SNX7: variants seen among roughly 807,000 people sequenced by gnomAD.
The protein encoded by SNX7 is sorting nexin 7, also known as sorting nexin-7.
In SNX7, 35 loss-of-function variants were observed where a neutral mutation model predicts 48.4. That is an observed-to-expected ratio of 0.72 (90% confidence interval 0.55 to 0.96). The LOEUF (loss-of-function observed/expected upper bound fraction) is 0.96, where lower values mean the gene tolerates loss of function less well. Among genes scored for constraint, SNX7 ranks in the 40% least tolerant of loss-of-function variants. The pLI is 0.00. For missense variants in SNX7, 553 were observed against 548.9 expected (o/e 1.01, Z -0.07); for synonymous variants, 190 against 190.2 (o/e 1.00, Z 0.01).
At chr1:98,679,045 G>A (rs1411457490) in intron 1 of SNX7, among the ~76,000 whole-genome samples, 1 of 152,102 alleles carries the variant, frequency 6.6e-6, no homozygotes, top group Non-Finnish European at 1.5e-5. Flanking sequence ...CACTATTAAT[G>A]TGTTTTCACA....
chr1:98,757,438 G>A (rs1654906926), intron 8 of SNX7, among the ~76,000 whole-genome samples: 1 of 151,708 alleles, frequency 6.6e-6, no homozygotes, highest in South Asian at 2.1e-4. Context: ...TTTCCTCCTT[G>A]CTCACATTTC....
intron 7 of SNX7, among the ~76,000 whole-genome samples, chr1:98,737,769 A>G (rs1653866369): frequency 6.6e-6 from 1 of 152,086 alleles, no homozygotes; most frequent in South Asian, 2.1e-4. Flanking sequence ...CAGAGTATGG[A>G]TGTTATAACC....
chr1:98,701,670 A>C (rs1041443982), intron 6 of SNX7, 147 bp from the exon 7 acceptor site: 61 of 508,864 alleles, frequency 1.2e-4, no homozygotes, highest in East Asian at 2.3e-4. Flanking sequence ...AAAAAAAAAA[A>C]AACAACTTTT....
At chr1:98,680,109 G>A (rs914453013) in intron 1 of SNX7, among the ~76,000 whole-genome samples, 4 of 152,184 alleles carry the variant, frequency 2.6e-5, no homozygotes, top group Non-Finnish European at 5.9e-5. Flanking sequence ...TGAAATCTAG[G>A]TGGAGGTTCC....
chr1:98,759,562 G>T (rs1263810307), intron 8 of SNX7, among the ~76,000 whole-genome samples: 1 of 152,074 alleles, frequency 6.6e-6, no homozygotes, highest in African/African-American at 2.4e-5. Flanking sequence ...TCTGCATAGA[G>T]ACTTATACAG....
Position 98,691,698 on chromosome 1 carries a change from G to A in SNX7, c.638G>A (p.Trp213Ter). The A allele has an allele frequency of 6.3e-7, 1 of 1,593,894 alleles. No homozygotes were observed. The highest frequency in any genetic ancestry group is 8.5e-7 in the Non-Finnish European group (1 of 1,171,570). ...DFKIFLTAQA[W>*]ELSSHKKQGP... ...AAAATTTTTCTCACTGCACAAGCTT[G>A]GGTAAATGATTTTTATTTATACTCA... Residue 213 changes from tryptophan (W) to a stop codon, truncating the protein, a stop_gained and splice_region_variant, in exon 4 of 9, where the codon TGG becomes TAG. Coordinates refer to ENST00000306121, the MANE Select transcript of SNX7 (RefSeq NM_015976.5). LOFTEE classifies it high-confidence loss of function.
At chr1:98,666,889 T>A (rs1649565188) in intron 1 of SNX7, among the ~76,000 whole-genome samples, 1 of 152,216 alleles carries the variant, frequency 6.6e-6, no homozygotes, top group African/African-American at 2.4e-5. Context: ...CATGTTACAT[T>A]GAAACCATAT....
At chr1:98,726,397 A>T (rs1653172479) in intron 7 of SNX7, among the ~76,000 whole-genome samples, 1 of 152,174 alleles carries the variant, frequency 6.6e-6, no homozygotes, top group Non-Finnish European at 1.5e-5. Flanking sequence ...AGCCAGAAGC[A>T]TTTGTTATTA....
intron 2 of SNX7, among the ~76,000 whole-genome samples, 173 bp from the exon 3 acceptor site, chr1:98,690,902 C>T (rs1030619228): frequency 6.6e-6 from 1 of 151,876 alleles, no homozygotes; most frequent in Non-Finnish European, 1.5e-5. Flanking sequence ...ATTTCATCTG[C>T]TACATGAATA....
At chr1:98,696,507 C>A (rs1328637973) in intron 5 of SNX7, among the ~76,000 whole-genome samples, 4 of 151,656 alleles carry the variant, frequency 2.6e-5, no homozygotes, top group African/African-American at 7.3e-5. Context: ...TGAAAAAAAA[C>A]CACGAATGAA....
chr1:98,695,008 T>C (rs1651373740), intron 4 of SNX7, among the ~76,000 whole-genome samples: 1 of 152,122 alleles, frequency 6.6e-6, no homozygotes, highest in African/African-American at 2.4e-5. Context: ...TTATGGTGAA[T>C]TACGTGTATT....
At chr1:98,751,050 A>G (rs549682419) in intron 8 of SNX7, among the ~76,000 whole-genome samples, 2 of 152,214 alleles carry the variant, frequency 1.3e-5, no homozygotes, top group East Asian at 3.9e-4. Context: ...CTTACTATGA[A>G]TAGGTAAACA....
At position 98,672,137 on chromosome 1, in the gene SNX7, A is replaced by G. The variant is rs542339905; in HGVS notation, c.180+10226A>G. ...TTTCATTAGGTTATGCTGCAGTACA[A>G]CCTCGAGATTTCAGTGGCTTGCTTA... is the stretch of plus-strand genomic sequence containing the variant. On this transcript the variant is annotated intron_variant, in intron 1 of 8. Coordinates refer to ENST00000306121, the MANE Select transcript of SNX7 (RefSeq NM_015976.5). Among the ~76,000 whole-genome samples, 28 of 152,166 alleles carry G rather than the reference A, an allele frequency of 1.8e-4. 1 individual carries two copies. In the South Asian group the frequency reaches 5.8e-3, roughly 32 times the overall value.
chr1:98,736,098 G>A (rs1653767607), intron 7 of SNX7, among the ~76,000 whole-genome samples: 1 of 152,122 alleles, frequency 6.6e-6, no homozygotes. Context: ...ATCCTTTCTG[G>A]CAGTGACACC....
intron 7 of SNX7, among the ~76,000 whole-genome samples, chr1:98,715,364 G>T (rs1222496817): frequency 1.3e-5 from 2 of 152,098 alleles, no homozygotes; most frequent in Non-Finnish European, 2.9e-5. Flanking sequence ...TTTTTAGGTA[G>T]TATATGATGT....
chr1:98,721,099 T>TAGA (rs72041467), intron 7 of SNX7, among the ~76,000 whole-genome samples: 1 of 151,606 alleles, frequency 6.6e-6, no homozygotes, highest in African/African-American at 2.4e-5. Flanking sequence ...ACCTCAAGTT[T>TAGA]GTGTTCCCAA....
chr1:98,737,081 T>C (rs1653819382), intron 7 of SNX7, among the ~76,000 whole-genome samples: 1 of 151,070 alleles, frequency 6.6e-6, no homozygotes, highest in Admixed American at 6.6e-5. Flanking sequence ...TCCCCTCGCT[T>C]TTTTTTTTCT....
intron 7 of SNX7, among the ~76,000 whole-genome samples, chr1:98,734,273 C>G (rs1170617259): frequency 6.6e-6 from 1 of 152,072 alleles, no homozygotes; most frequent in African/African-American, 2.4e-5. Context: ...GGTATGTATC[C>G]CATTCTACTT....
At chr1:98,687,224 G>A (rs1348204661) in intron 2 of SNX7, among the ~76,000 whole-genome samples, 2 of 152,078 alleles carry the variant, frequency 1.3e-5, no homozygotes, top group African/African-American at 4.8e-5. Flanking sequence ...CTTGTTAAAG[G>A]TTACACAACA....
Sources: allele counts gnomAD v4.1 joint callset (sites outside exome capture counted in the v4.1 genomes callset), GRCh38; gene constraint gnomAD v4.1.1; transcripts MANE v1.5; gene names NCBI Gene and HGNC (gene_info 2026-07-23, HGNC 2026-07-21).